Variants in FRMPD3 observed in about 807,000 individuals in gnomAD.
The protein encoded by FRMPD3 is FERM and PDZ domain containing 3.
Under a neutral mutation model 97.9 loss-of-function variants are expected in FRMPD3, and 42 were observed. The observed-to-expected ratio is 0.43, with a 90% confidence interval of 0.34 to 0.55. FRMPD3 has a LOEUF of 0.55. Among genes scored for constraint, FRMPD3 ranks in the 20% least tolerant of loss-of-function variants. The pLI is 0.03. For synonymous variants in FRMPD3, 577 were observed against 581.1 expected (o/e 0.99, Z 0.10); for missense variants, 1,303 against 1,457.7 (o/e 0.89, Z 1.73).
At chrX:107,562,824 G>C (rs146947718) in intron 10 of FRMPD3, among the ~76,000 whole-genome samples, 1 of 112,302 alleles carries the variant, frequency 8.9e-6, no homozygotes, top group South Asian at 3.7e-4. Context: ...TAGGTGGGGC[G>C]TCAGTTAGTT....
In FRMPD3 at chrX:107,601,958, G is replaced by C. The variant is rs767726583; in HGVS notation, c.3919G>C (p.Gly1307Arg). 8.5e-7 allele frequency: 1 copy of C among 1,173,420 alleles called. No individual in the cohort carries two copies. The change falls in exon 15 of 15, where the codon GGG (glycine) becomes CGG (arginine). Residue 1307 changes from glycine (G) to arginine (R), a missense_variant. Around this residue, in one of 3 missense-constraint regions of FRMPD3, gnomAD observed 764 missense variants for 820.2 expected, o/e 0.93. Transcript: ENST00000683843. ...CTGTGACTGCAAGCGCATCTGCCGG[G>C]GGGGCCGGCCACAAGCCACCCAGAC... Reference protein sequence around the residue: ...RSCDCKRICRGGRPQATQTPV... With the variant: ...RSCDCKRICRRGRPQATQTPV...
At chrX:107,522,242 C>T (rs747596010) in intron 1 of FRMPD3, among the ~76,000 whole-genome samples, 14 of 111,682 alleles carry the variant, frequency 1.3e-4, no homozygotes, top group African/African-American at 3.6e-4. Context: ...CCAGCCACCC[C>T]GAATAATGCT....
intron 1 of FRMPD3, among the ~76,000 whole-genome samples, chrX:107,492,373 C>T (rs1921680733): frequency 9.0e-6 from 1 of 111,724 alleles, no homozygotes; most frequent in Non-Finnish European, 1.9e-5. Context: ...TGCAAAGTCA[C>T]TCCAGGTAGA....
chrX:107,452,502 G>C (rs1931306754), intron 1 of FRMPD3, among the ~76,000 whole-genome samples: 1 of 112,299 alleles, frequency 8.9e-6, no homozygotes, highest in South Asian at 3.8e-4. Flanking sequence ...CCAGGGGAGG[G>C]TGGCAGCTGC....
At chrX:107,511,225 C>G (rs763490622) in intron 1 of FRMPD3, among the ~76,000 whole-genome samples, 1 of 111,860 alleles carries the variant, frequency 8.9e-6, no homozygotes, top group African/African-American at 3.2e-5. Flanking sequence ...TGCTTCCCAA[C>G]TCATCTTTCC....
In FRMPD3 at chrX:107,522,449, A is replaced by C. The variant is rs770922242; in HGVS notation, c.-7-4133A>C. The C allele has an allele frequency of 5.4e-6, 3 of 555,605 alleles. No individual in the cohort carries two copies. The Admixed American group carries it at 6.7e-5, about 12-fold the overall frequency. The allele number at this position is 555,605 out of a possible 1,213,427, so 45.8% of individuals were successfully genotyped here. ...TGACTGTAGGGTTGGGGCAGCTTGC[A>C]ATGGAGACTCTGGATAGCCAGAGGG... On this transcript the variant is annotated intron_variant, in intron 1 of 14. Transcript: ENST00000683843.
intron 3 of FRMPD3, among the ~76,000 whole-genome samples, chrX:107,530,959 C>A (rs1402419305): frequency 9.0e-6 from 1 of 111,097 alleles, no homozygotes; most frequent in African/African-American, 3.3e-5. Context: ...GGAAGAGAAC[C>A]TCCCAATGTG....
At position 107,490,511 on chromosome X, in the gene FRMPD3, A is replaced by C. The variant is rs770904636; in HGVS notation, c.-7-36071A>C. ...ATTTGTTTGTATCCTCTTTTATTTCATTGAGCAGTGGTTTGTAGTTCTCCT... is the reference window on the plus strand; with the variant it reads ...ATTTGTTTGTATCCTCTTTTATTTCCTTGAGCAGTGGTTTGTAGTTCTCCT... On this transcript the variant is annotated intron_variant, in intron 1 of 14. Coordinates refer to ENST00000683843, the MANE Select transcript of FRMPD3 (RefSeq NM_001388459.1). 1.2e-3 allele frequency among the ~76,000 whole-genome samples: 128 copies of C among 110,882 alleles called. 2 individuals carry two copies. Among genetic ancestry groups the C allele is most frequent in the African/African-American group, 2.6e-3 (78 of 30,500 alleles).
intron 13 of FRMPD3, among the ~76,000 whole-genome samples, chrX:107,595,752 C>T (rs1380465504): frequency 9.1e-6 from 1 of 109,718 alleles, no homozygotes; most frequent in Non-Finnish European, 1.9e-5. Context: ...GCCTGGCCAA[C>T]ATGGTGAAAC....
At position 107,557,271 on chromosome X, in the gene FRMPD3, C is replaced by T. The variant is rs149256474; in HGVS notation, c.762+2767C>T. Among the ~76,000 whole-genome samples, 21 of 110,533 alleles carry T rather than the reference C, an allele frequency of 1.9e-4. No homozygotes were observed. The East Asian group carries it at 5.7e-3, about 30-fold the overall frequency. Reference sequence around the variant, plus strand: ...GTTTATTTGATGCTACGCATCTTCTCGGGGGAAGTGTCCATTTAGATCTTT... The same window carrying T: ...GTTTATTTGATGCTACGCATCTTCTTGGGGGAAGTGTCCATTTAGATCTTT... On this transcript the variant is annotated intron_variant, in intron 8 of 14. Coordinates refer to ENST00000683843, the MANE Select transcript of FRMPD3 (RefSeq NM_001388459.1).
At chrX:107,599,166 A>C (rs1310756496) in intron 14 of FRMPD3, among the ~76,000 whole-genome samples, 2 of 110,341 alleles carry the variant, frequency 1.8e-5, no homozygotes, top group African/African-American at 6.6e-5. Context: ...TCAGCTACTC[A>C]GGAGGCTGAG....
chrX:107,552,657 A>C, intron 6 of FRMPD3, 138 bp from the exon 7 acceptor site: 2 of 656,860 alleles, frequency 3.0e-6, no homozygotes, highest in Non-Finnish European at 4.4e-6. Context: ...CTGGGCTACT[A>C]TAAAGGCCAG....
intron 1 of FRMPD3, among the ~76,000 whole-genome samples, chrX:107,516,523 C>T (rs1244282086): frequency 9.0e-6 from 1 of 111,490 alleles, no homozygotes; most frequent in African/African-American, 3.3e-5. Context: ...TTCTCCACAT[C>T]CCCTCCAGCA....
intron 1 of FRMPD3, among the ~76,000 whole-genome samples, chrX:107,464,157 A>G (rs1250729552): frequency 9.0e-6 from 1 of 111,502 alleles, no homozygotes; most frequent in African/African-American, 3.3e-5. Context: ...AACTCTCATC[A>G]TCAAGGCATT....
intron 1 of FRMPD3, among the ~76,000 whole-genome samples, chrX:107,459,612 G>T (rs920162263): frequency 8.9e-6 from 1 of 112,397 alleles, no homozygotes; most frequent in Non-Finnish European, 1.9e-5. Context: ...ATAGAGAACT[G>T]CAGATAAAGG....
chrX:107,597,977 C>T lies in FRMPD3; in HGVS notation c.2098C>T (p.Leu700Phe), dbSNP rs1386488912. The change falls in exon 14 of 15, where the codon CTT (leucine) becomes TTT (phenylalanine). Residue 700 changes from leucine (L) to phenylalanine (F), a missense_variant. By Grantham distance (22) the Leu-to-Phe change is conservative. Coordinates refer to ENST00000683843, the MANE Select transcript of FRMPD3 (RefSeq NM_001388459.1). Reference protein sequence around the residue: ...SQEQGRHLRGLLYDEIPVTLI... With the variant: ...SQEQGRHLRGFLYDEIPVTLI... The stretch of plus-strand genomic sequence containing the variant: ...GGAACAAGGACGCCACCTGCGTGGG[C>T]TTCTGTACGATGAGATTCCAGTGAC... 8 of 1,208,780 alleles carry T rather than the reference C, an allele frequency of 6.6e-6. No individual in the cohort carries two copies. Among genetic ancestry groups the T allele is most frequent in the Admixed American group, 2.2e-5 (1 of 45,713 alleles).
intron 13 of FRMPD3, among the ~76,000 whole-genome samples, chrX:107,583,140 G>A (rs558673360): frequency 2.3e-4 from 24 of 102,412 alleles, no homozygotes; most frequent in African/African-American, 6.9e-4. Flanking sequence ...TTTAAGTTCC[G>A]GGATACATGT....
intron 11 of FRMPD3, among the ~76,000 whole-genome samples, chrX:107,564,172 G>C (rs1922501016): frequency 8.9e-6 from 1 of 111,775 alleles, no homozygotes; most frequent in Non-Finnish European, 1.9e-5. Flanking sequence ...CCTTCAGGCC[G>C]AGAGGTAGCC....
At chrX:107,542,211 G>T (rs961035778) in intron 4 of FRMPD3, among the ~76,000 whole-genome samples, 2 of 112,536 alleles carry the variant, frequency 1.8e-5, no homozygotes, top group African/African-American at 6.5e-5. Flanking sequence ...CAGGATTGGA[G>T]CACCAGGCTG....
Sources: allele counts gnomAD v4.1 joint callset (sites outside exome capture counted in the v4.1 genomes callset), GRCh38; gene constraint gnomAD v4.1.1; regional missense constraint gnomAD v4.1.1; transcripts MANE v1.5; gene names NCBI Gene and HGNC (gene_info 2026-07-23, HGNC 2026-07-21).